The following TRPM2 variants were observed in gnomAD, a reference collection of about 807,000 sequenced individuals.
TRPM2 encodes transient receptor potential cation channel subfamily M member 2, also known as estrogen-responsive element-associated gene 1 protein.
A neutral mutation model predicts 174.0 loss-of-function variants in TRPM2; 161 were observed. That is an observed-to-expected ratio of 0.93 (90% CI 0.81 to 1.05). The LOEUF is 1.05. TRPM2 is among the 50% of genes least tolerant of loss of function. The probability of loss-of-function intolerance (pLI) is 0.00; values close to 1 mark genes in which losing one functional copy is unlikely to be tolerated. For synonymous variants in TRPM2, 954 were observed against 861.3 expected (o/e 1.11, Z -1.88); for missense variants, 2,057 against 2,038.0 (o/e 1.01, Z -0.18).
At chr21:44,381,055 G>C (rs868341350) in intron 8 of TRPM2, among the ~76,000 whole-genome samples, 10 of 152,112 alleles carry the variant, frequency 6.6e-5, no homozygotes, top group South Asian at 2.1e-4. Flanking sequence ...AGGGAGCTCA[G>C]GATGTGTTTT....
chr21:44,408,667 T>G (rs1194052048), intron 19 of TRPM2, among the ~76,000 whole-genome samples: 2 of 149,518 alleles, frequency 1.3e-5, no homozygotes, highest in African/African-American at 4.9e-5. Flanking sequence ...TTTTTTTTTT[T>G]TTTTTTTTCC....
Position 44,367,737 on chromosome 21 carries a change from G to C in TRPM2, c.604+803G>C, listed in dbSNP as rs891402914. 6.6e-6 allele frequency among the ~76,000 whole-genome samples: 1 copy of C among 152,190 alleles called. No homozygotes were observed. Among genetic ancestry groups the C allele is most frequent in the Admixed American group, 6.5e-5 (1 of 15,276 alleles). ...GGGTCTGGGGTCTGGTCTTTGCCTC[G>C]CAGTGGAGTCGTAACTGAGCCTGAC... On this transcript the variant is annotated intron_variant, in intron 4 of 31. Transcript: ENST00000397928. This position sits in a 1 kb window ranked among gnomAD's most constrained non-coding sequence, Gnocchi z 4.6.
At chr21:44,352,255 C>T (rs2123000370), upstream of TRPM2, among the ~76,000 whole-genome samples, 2 of 152,194 alleles carry the variant, frequency 1.3e-5, no homozygotes, top group African/African-American at 2.4e-5. Context: ...AGGAAAAGGC[C>T]GGGCAGGGCA....
chr21:44,384,605 T>A (rs1205632407), intron 9 of TRPM2, among the ~76,000 whole-genome samples: 1 of 152,154 alleles, frequency 6.6e-6, no homozygotes, highest in African/African-American at 2.4e-5. Context: ...CTGTAATGGA[T>A]CACCTCTATT....
rs1053373313 is a variant in TRPM2 at position 44,438,604 on chromosome 21, G to A, written c.4168-463G>A. Reference sequence around the variant, plus strand: ...CGGAGCTGGGTCCCTGAGTCAGGTGGCGCTCGGGAGCGTCTGGGAGCCCAG... The same window carrying A: ...CGGAGCTGGGTCCCTGAGTCAGGTGACGCTCGGGAGCGTCTGGGAGCCCAG... On this transcript the variant is annotated intron_variant, in intron 29 of 31. Transcript: ENST00000397928. This position sits in a 1 kb window ranked among gnomAD's most constrained non-coding sequence, Gnocchi z 5.9. 2.0e-5 allele frequency among the ~76,000 whole-genome samples: 3 copies of A among 152,186 alleles called. No homozygotes were observed. The highest frequency in any genetic ancestry group is 7.2e-5 in the African/African-American group (3 of 41,442).
chr21:44,434,861 T>C (rs1344131661), intron 27 of TRPM2, among the ~76,000 whole-genome samples: 1 of 152,064 alleles, frequency 6.6e-6, no homozygotes, highest in African/African-American at 2.4e-5. Flanking sequence ...CTTTAGCCCC[T>C]CGCTGGCCTG....
In TRPM2 at chr21:44,399,175, T is replaced by C; in HGVS notation, c.2063-121T>C. ...GTGTTTTGAGACACCAGCCCCACATTTGCCCTGTGCCCTTCCCTGTGTCCT... is the reference window on the plus strand; with the variant it reads ...GTGTTTTGAGACACCAGCCCCACATCTGCCCTGTGCCCTTCCCTGTGTCCT... On this transcript the variant is annotated intron_variant, in intron 13 of 31. Coordinates refer to ENST00000397928, the MANE Select transcript of TRPM2 (RefSeq NM_003307.4). This position sits in a 1 kb window ranked among gnomAD's most constrained non-coding sequence, Gnocchi z 4.6. The C allele has an allele frequency of 7.5e-7, 1 of 1,334,008 alleles. No homozygotes were observed. The allele number at this position is 1,334,008 out of a possible 1,614,324, so 82.6% of individuals were successfully genotyped here.
At chr21:44,440,557 G>A (rs563206839) in intron 30 of TRPM2, among the ~76,000 whole-genome samples, 12 of 152,324 alleles carry the variant, frequency 7.9e-5, no homozygotes, top group Middle Eastern at 3.4e-3. Context: ...TTTCCAAGGC[G>A]TTTCCAAGAT....
rs374074018 is a variant in TRPM2, at chr21:44,425,694, C to T, written c.3662C>T (p.Pro1221Leu). 5.5e-5 allele frequency: 85 copies of T among 1,549,876 alleles called. No homozygotes were observed. The South Asian group carries it at 7.8e-4, about 14-fold the overall frequency. The stretch of plus-strand genomic sequence containing the variant: ...GCCTCCCAGAAGGCCGCGGAGGAGC[C>T]GGATGCTGAGCCGGGAGGCAGGAAG... Reference protein sequence around the residue: ...TLASQKAAEEPDAEPGGRKKT... With the variant: ...TLASQKAAEELDAEPGGRKKT... Residue 1221 changes from proline (P) to leucine (L), a missense_variant, in exon 25 of 32, where the codon CCG (proline) becomes CTG (leucine). By Grantham distance (98) the Pro-to-Leu change is moderately conservative. Coordinates refer to ENST00000397928, the MANE Select transcript of TRPM2 (RefSeq NM_003307.4).
At chr21:44,386,587 A>G (rs372839787) in intron 9 of TRPM2, among the ~76,000 whole-genome samples, 8 of 152,362 alleles carry the variant, frequency 5.3e-5, no homozygotes, top group African/African-American at 1.7e-4. Flanking sequence ...GCTGAAAGAA[A>G]TGAAAGAAGA....
chr21:44,394,541 G>A (rs546960534), intron 11 of TRPM2, among the ~76,000 whole-genome samples: 14 of 151,306 alleles, frequency 9.3e-5, no homozygotes, highest in South Asian at 6.3e-4. Flanking sequence ...GGATGGTCTC[G>A]ATCTCCTGAC....
In TRPM2 at chr21:44,429,585, T is replaced by C. The variant is rs567738162; in HGVS notation, c.3974+2474T>C. Among the ~76,000 whole-genome samples the C allele has an allele frequency of 3.9e-5, 6 of 152,210 alleles. No individual in the cohort carries two copies. The East Asian group carries it at 1.2e-3, about 29-fold the overall frequency. ...TACAGACATGAGCCACCATGCCTGG[T>C]GTATAACATTTTTTTATATTTTCAA... On this transcript the variant is annotated intron_variant, in intron 27 of 31. Coordinates refer to ENST00000397928, the MANE Select transcript of TRPM2 (RefSeq NM_003307.4).
In TRPM2 at chr21:44,435,159, G is replaced by C. The variant is rs1195319341; in HGVS notation, c.4003G>C (p.Gly1335Arg). 1 of 1,613,330 alleles carries C rather than the reference G, an allele frequency of 6.2e-7. No individual in the cohort carries two copies. Among genetic ancestry groups the C allele is most frequent in the Non-Finnish European group, 8.5e-7 (1 of 1,179,586 alleles). ...LNPMGRTGLR[G>R]RGSLSCFGPN... is the part of the protein sequence containing the mutation. ...CCCCATGGGCCGCACAGGACTGCGTGGGCGCGGGAGCCTCAGCTGCTTCGG... is the reference window on the plus strand; with the variant it reads ...CCCCATGGGCCGCACAGGACTGCGTCGGCGCGGGAGCCTCAGCTGCTTCGG... Residue 1335 changes from glycine to arginine, a missense_variant, in exon 28 of 32, where the codon GGG becomes CGG. Transcript: ENST00000397928.
At chr21:44,374,581 G>C (rs1384456485) in intron 5 of TRPM2, among the ~76,000 whole-genome samples, 2 of 152,142 alleles carry the variant, frequency 1.3e-5, no homozygotes, top group Non-Finnish European at 2.9e-5. Context: ...GGGGGTGATG[G>C]GGGACAGTGA....
In TRPM2 at chr21:44,406,608, C is replaced by T. The variant is rs1166558516; in HGVS notation, c.2805C>T (p.Phe935=). The T allele has an allele frequency of 6.2e-7, 1 of 1,610,066 alleles. No individual in the cohort carries two copies. The highest frequency in any genetic ancestry group is 1.7e-5 in the Admixed American group (1 of 59,680). The part of the protein sequence containing the change: ...IIVKRMMKDV[F]FFLFLLAVWV... ...CTGTCCTGCAGATGAAGGACGTCTT[C>T]TTCTTCCTCTTCCTGCTGGCTGTGT... The change falls in exon 19 of 32, where the codon TTC becomes TTT. Residue 935 remains phenylalanine, a synonymous_variant. Coordinates refer to ENST00000397928, the MANE Select transcript of TRPM2 (RefSeq NM_003307.4).
At chr21:44,429,272 C>CTTTTTTT (rs1601245878) in intron 27 of TRPM2, among the ~76,000 whole-genome samples, 11 of 62,324 alleles carry the variant, frequency 1.8e-4, no homozygotes, top group African/African-American at 5.7e-4. Context: ...ACATTTTTTT[C>CTTTTTTT]TTTTTCTTTT....
Position 44,353,741 on chromosome 21 carries a change from A to C in TRPM2, c.41A>C (p.Glu14Ala). Reference sequence around the variant, plus strand: ...CTGAGGAAAGCTGGCTCGGAGCAGGAGGAGGGCTTTGAGGGGCTGCCCAGA... The same window carrying C: ...CTGAGGAAAGCTGGCTCGGAGCAGGCGGAGGGCTTTGAGGGGCTGCCCAGA... The part of the protein sequence containing the change: ...SALRKAGSEQ[E>A]EGFEGLPRRV... The change falls in exon 1 of 32, where the codon GAG becomes GCG. Residue 14 changes from glutamate (E) to alanine (A), a missense_variant. By Grantham distance (107) the Glu-to-Ala change is moderately radical. Coordinates refer to ENST00000397928, the MANE Select transcript of TRPM2 (RefSeq NM_003307.4). 1.3e-6 allele frequency: 2 copies of C among 1,586,890 alleles called. No homozygotes were observed. The highest frequency in any genetic ancestry group is 1.7e-6 in the Non-Finnish European group (2 of 1,169,252).
intron 27 of TRPM2, among the ~76,000 whole-genome samples, chr21:44,434,252 G>GTGGCGGGGACGC (rs1569116698): frequency 6.6e-6 from 1 of 151,872 alleles, no homozygotes; most frequent in African/African-American, 2.4e-5. Context: ...GGTGGGGACG[G>GTGGCGGGGACGC]TGGCGGGGAC....
At chr21:44,398,197 T>C (rs975041464) in intron 13 of TRPM2, among the ~76,000 whole-genome samples, 4 of 125,172 alleles carry the variant, frequency 3.2e-5, no homozygotes, top group Admixed American at 2.8e-4. Context: ...CCCTGAAAAT[T>C]TGGAGACTGT....
Sources: gnomAD v4.1 joint callset for allele counts (sites outside exome capture counted in the v4.1 genomes callset) on GRCh38, gnomAD v4.1.1 for gene constraint, Gnocchi (gnomAD v3.1) non-coding constraint, MANE v1.5 for transcripts, NCBI Gene and HGNC (gene_info 2026-07-23, HGNC 2026-07-21) for gene names.